PPIP5K1: variants seen among roughly 807,000 people sequenced by gnomAD.
PPIP5K1 encodes the protein diphosphoinositol pentakisphosphate kinase 1.
A neutral mutation model predicts 27.7 loss-of-function variants in PPIP5K1; 6 were observed. That is an observed-to-expected ratio of 0.22 (90% CI 0.12 to 0.43). The LOEUF is 0.43. PPIP5K1 is among the 20% of genes least tolerant of loss of function. The pLI is 1.00. For missense variants in PPIP5K1, 394 were observed against 635.4 expected, an observed-to-expected ratio of 0.62 and a Z score of 4.08; for synonymous variants, 145 against 242.6, an observed-to-expected ratio of 0.60 and a Z score of 3.74.
chr15:43,539,851 A>G (rs987774117), intron 30 of PPIP5K1, among the ~76,000 whole-genome samples: 1 of 152,214 alleles, frequency 6.6e-6, no homozygotes, highest in Non-Finnish European at 1.5e-5. Context: ...ACACACTGAC[A>G]TTTTTGCCAT....
At chr15:43,550,416 G>A (rs2082047079) in intron 30 of PPIP5K1, among the ~76,000 whole-genome samples, 1 of 152,122 alleles carries the variant, frequency 6.6e-6, no homozygotes, top group Non-Finnish European at 1.5e-5. Flanking sequence ...AAAATGCTGG[G>A]AACACAGGCG....
intron 31 of PPIP5K1, among the ~76,000 whole-genome samples, chr15:43,538,657 A>G (rs1488900624): frequency 2.6e-5 from 4 of 152,018 alleles, no homozygotes; most frequent in Non-Finnish European, 5.9e-5. Flanking sequence ...GACTACAGGC[A>G]CCCACCACCA....
At chr15:43,537,684 A>G (rs2439839) in intron 31 of PPIP5K1, among the ~76,000 whole-genome samples, 48,550 of 119,040 alleles carry the variant, frequency 0.41, 13,717 homozygotes, top group African/African-American at 0.81. Flanking sequence ...GCAAGACTCC[A>G]TCTCAAAAAA....
At chr15:43,552,027 C>T (rs1249573997) in intron 30 of PPIP5K1, among the ~76,000 whole-genome samples, 1 of 149,648 alleles carries the variant, frequency 6.7e-6, no homozygotes, top group Non-Finnish European at 1.5e-5. Flanking sequence ...AATCTCAGCT[C>T]ACTGCAACCT....
chr15:43,537,180 C>CA (rs1048429169), intron 31 of PPIP5K1, among the ~76,000 whole-genome samples: 22 of 148,354 alleles, frequency 1.5e-4, no homozygotes, highest in African/African-American at 4.7e-4. Context: ...ACTAAAAATA[C>CA]AAAAAAAAAT....
chr15:43,552,768 C>T (rs1301521260), intron 30 of PPIP5K1, among the ~76,000 whole-genome samples: 5 of 151,442 alleles, frequency 3.3e-5, no homozygotes, highest in Admixed American at 6.6e-5. Context: ...GGAGTCCAGG[C>T]GTGGTGGCTC....
intron 30 of PPIP5K1, among the ~76,000 whole-genome samples, chr15:43,540,861 C>CAAAAAAA (rs34085400): frequency 1.4e-5 from 1 of 73,874 alleles, no homozygotes. Context: ...GACTCTGTCT[C>CAAAAAAA]AAAAAAAAAA....
intron 30 of PPIP5K1, among the ~76,000 whole-genome samples, chr15:43,543,954 T>C (rs1475462343): frequency 6.6e-6 from 1 of 152,076 alleles, no homozygotes; most frequent in Non-Finnish European, 1.5e-5. Context: ...CTAAAGTTAT[T>C]GAAAAATTAT....
intron 10 of PPIP5K1, among the ~76,000 whole-genome samples, chr15:43,579,653 A>ATTT (rs1179725070): frequency 6.3e-4 from 18 of 28,786 alleles, no homozygotes; most frequent in Non-Finnish European, 7.9e-4. Flanking sequence ...ATATATATAT[A>ATTT]TTTTTTTTTT....
intron 30 of PPIP5K1, among the ~76,000 whole-genome samples, chr15:43,554,796 TATTATA>T (rs1193097151): frequency 2.0e-5 from 3 of 152,100 alleles, no homozygotes; most frequent in Non-Finnish European, 2.9e-5. Context: ...TTATAATTGA[TATTATA>T]ATTATAATTA....
At chr15:43,559,484 A>G (rs2083497848) in intron 29 of PPIP5K1, among the ~76,000 whole-genome samples, 1 of 152,212 alleles carries the variant, frequency 6.6e-6, no homozygotes, top group Non-Finnish European at 1.5e-5. Flanking sequence ...TGCAATACAC[A>G]TGAAGCTCAG....
Position 43,558,933 on chromosome 15 carries a change from C to T in PPIP5K1, c.3419-1G>A, listed in dbSNP as rs1595869417. The T allele has an allele frequency of 2.5e-6, 4 of 1,613,248 alleles. No individual in the cohort carries two copies. Among genetic ancestry groups the T allele is most frequent in the Non-Finnish European group, 3.4e-6 (4 of 1,179,984 alleles). On this transcript the variant is annotated splice_acceptor_variant, in intron 29 of 31. Transcript: ENST00000420765. LOFTEE classifies it high-confidence loss of function. The stretch of plus-strand genomic sequence containing the variant: ...GGCACCATGGAACACCCTTCAAACC[C>T]TGTTTGAAAAGAGATGGGCAAAGTC...
At chr15:43,537,275 G>A in intron 31 of PPIP5K1, 1 of 198,490 alleles carries the variant, frequency 5.0e-6, no homozygotes. Context: ...AACCCAGGAG[G>A]CGGAGGTTGC....
At chr15:43,543,965 T>C (rs1021363807) in intron 30 of PPIP5K1, among the ~76,000 whole-genome samples, 9 of 152,062 alleles carry the variant, frequency 5.9e-5, no homozygotes, top group Admixed American at 4.6e-4. Flanking sequence ...GAAAAATTAT[T>C]TTACCCATGT....
chr15:43,579,345 A>G (rs2084654696), intron 10 of PPIP5K1, among the ~76,000 whole-genome samples: 1 of 86,206 alleles, frequency 1.2e-5, no homozygotes, highest in Non-Finnish European at 1.9e-5. Context: ...TGGGGAGGGG[A>G]TGTTACTAGG....
intron 30 of PPIP5K1, among the ~76,000 whole-genome samples, chr15:43,554,794 G>T (rs915141557): frequency 6.6e-6 from 1 of 151,622 alleles, no homozygotes; most frequent in Non-Finnish European, 1.5e-5. Context: ...AATTATAATT[G>T]ATATTATAAT....
chr15:43,538,599 T>C (rs1276794320), intron 31 of PPIP5K1, among the ~76,000 whole-genome samples: 1 of 151,938 alleles, frequency 6.6e-6, no homozygotes, highest in Non-Finnish European at 1.5e-5. Flanking sequence ...CCATCTCAGC[T>C]CACTGCAAGC....
chr15:43,562,764 C>G, intron 28 of PPIP5K1, among the ~76,000 whole-genome samples: 1 of 137,748 alleles, frequency 7.3e-6, no homozygotes, highest in Non-Finnish European at 1.6e-5. Flanking sequence ...AGCCGGCACA[C>G]CCATGAGGCT....
chr15:43,546,318 A>T (rs1039668983), intron 30 of PPIP5K1, among the ~76,000 whole-genome samples: 7 of 152,136 alleles, frequency 4.6e-5, no homozygotes, highest in African/African-American at 1.4e-4. Context: ...ACTTTTTGAG[A>T]AAGGGTCTTG....
Sources: gnomAD v4.1 joint callset for allele counts (sites outside exome capture counted in the v4.1 genomes callset) on GRCh38, gnomAD v4.1.1 for gene constraint, MANE v1.5 for transcripts, NCBI Gene and HGNC (gene_info 2026-07-23, HGNC 2026-07-21) for gene names.